Variants in DIP2A observed in about 807,000 individuals in gnomAD.
DIP2A encodes the protein DIP2 acetate--CoA ligase A, also known as disco-interacting protein 2 homolog A.
A neutral mutation model predicts 177.4 loss-of-function variants in DIP2A; 85 were observed. The observed-to-expected ratio is 0.48, with a 90% CI of 0.40 to 0.57. The LOEUF is 0.57. Among genes scored for constraint, DIP2A ranks in the 20% least tolerant of loss-of-function variants. DIP2A has a pLI of 0.00. For missense variants in DIP2A, 1,791 were observed against 2,100.2 expected, an observed-to-expected ratio of 0.85 and a Z score of 2.88; for synonymous variants, 886 against 881.8, an observed-to-expected ratio of 1.00 and a Z score of -0.08.
chr21:46,471,243 C>G (rs535144434), intron 1 of DIP2A, among the ~76,000 whole-genome samples: 5 of 152,280 alleles, frequency 3.3e-5, no homozygotes, highest in Admixed American at 1.3e-4. Flanking sequence ...GTTGCCCAGG[C>G]TAGTCTTGAA....
At chr21:46,560,565 C>G (rs2148905594) in intron 32 of DIP2A, among the ~76,000 whole-genome samples, 157 bp from the exon 33 acceptor site, 1 of 152,314 alleles carries the variant, frequency 6.6e-6, no homozygotes, top group East Asian at 1.9e-4. Flanking sequence ...GCCTGGGGGA[C>G]CTTGAACCCC....
At chr21:46,469,982 A>G (rs982065918) in intron 1 of DIP2A, among the ~76,000 whole-genome samples, 1 of 152,232 alleles carries the variant, frequency 6.6e-6, no homozygotes, top group Non-Finnish European at 1.5e-5. Flanking sequence ...TGTTTTTCAA[A>G]TCACATATTT....
At chr21:46,531,397 C>A (rs1176347052) in intron 9 of DIP2A, among the ~76,000 whole-genome samples, 1 of 152,072 alleles carries the variant, frequency 6.6e-6, no homozygotes, top group African/African-American at 2.4e-5. Context: ...ATGGAGGTAG[C>A]TGTTATCAGA....
At position 46,484,537 on chromosome 21, in the gene DIP2A, A is replaced by G. The variant is rs552521627; in HGVS notation, c.92-220A>G. ...AGTCTGGCTTCTTTCACTCAGCAGCATGCATGTGAGATCTATCCAAATTGC... is the reference window on the plus strand; with the variant it reads ...AGTCTGGCTTCTTTCACTCAGCAGCGTGCATGTGAGATCTATCCAAATTGC... On this transcript the variant is annotated intron_variant, in intron 1 of 37. Coordinates refer to ENST00000417564, the MANE Select transcript of DIP2A (RefSeq NM_015151.4). 2.2e-3 allele frequency among the ~76,000 whole-genome samples: 334 copies of G among 152,336 alleles called. 2 individuals are homozygous for G. The highest frequency in any genetic ancestry group is 7.9e-3 in the African/African-American group (328 of 41,572).
chr21:46,478,067 C>T (rs1271288074), intron 1 of DIP2A, among the ~76,000 whole-genome samples: 1 of 152,160 alleles, frequency 6.6e-6, no homozygotes, highest in African/African-American at 2.4e-5. Context: ...ATCTTAGCAC[C>T]TGCTCCATTC....
chr21:46,552,049 T>C, intron 25 of DIP2A, 145 bp downstream of exon 25: 1 of 969,604 alleles, frequency 1.0e-6, no homozygotes, highest in Non-Finnish European at 1.6e-6. Context: ...GTCCTGGTTG[T>C]TCTCATGCGT....
intron 1 of DIP2A, among the ~76,000 whole-genome samples, chr21:46,474,809 A>G (rs1018613864): frequency 3.3e-5 from 5 of 152,108 alleles, no homozygotes; most frequent in Admixed American, 6.5e-5. Context: ...AAAGGAATTC[A>G]TAGTCTAGGT....
At chr21:46,517,510 C>G (rs1193548718) in intron 8 of DIP2A, among the ~76,000 whole-genome samples, 2 of 152,212 alleles carry the variant, frequency 1.3e-5, no homozygotes, top group African/African-American at 2.4e-5. Context: ...CCAGTCATGC[C>G]TGGCCCAGCC....
chr21:46,503,887 G>A (rs755400549), intron 5 of DIP2A, among the ~76,000 whole-genome samples: 7 of 152,046 alleles, frequency 4.6e-5, no homozygotes, highest in African/African-American at 7.2e-5. Flanking sequence ...CACGACGCCC[G>A]GCTGATTTTT....
At chr21:46,559,641 G>A (rs922872232) in intron 32 of DIP2A, among the ~76,000 whole-genome samples, 10 of 152,238 alleles carry the variant, frequency 6.6e-5, no homozygotes, top group Admixed American at 2.0e-4. Context: ...CTTGCTAGAC[G>A]TCGGAAGGGT....
rs2059832890 is a variant in DIP2A, at chr21:46,541,867, T to A, written c.2148T>A (p.Val716=). Residue 716 remains valine, a synonymous_variant, in exon 18 of 38, where the codon GTT becomes GTA. Coordinates refer to ENST00000417564, the MANE Select transcript of DIP2A (RefSeq NM_015151.4). The stretch of plus-strand genomic sequence containing the variant: ...AAGAAAAGTTGTCAGTCCTTACTGT[T>A]CAGGACGTTGGTCAGGTGATGCCTG... ...DTEEKLSVLT[V]QDVGQVMPGA... The A allele has an allele frequency of 6.2e-7, 1 of 1,613,940 alleles. No individual in the cohort carries two copies. The highest frequency in any genetic ancestry group is 8.5e-7 in the Non-Finnish European group (1 of 1,179,906).
In DIP2A at chr21:46,563,831, C is replaced by G. The variant is rs778129153; in HGVS notation, c.4090-27C>G. 6.2e-7 allele frequency: 1 copy of G among 1,610,080 alleles called. No individual in the cohort carries two copies. The highest frequency in any genetic ancestry group is 1.3e-5 in the African/African-American group (1 of 74,560). ...GAGTCTCGTGTCATGTTTTCTTTAA[C>G]AAGGGACATAGCTCTCCTCCTTCCA... On this transcript the variant is annotated intron_variant, in intron 34 of 37. Coordinates refer to ENST00000417564, the MANE Select transcript of DIP2A (RefSeq NM_015151.4). This position sits in a 1 kb window ranked among gnomAD's most constrained non-coding sequence, Gnocchi z 4.3.
At chr21:46,559,165 CA>C (rs2060582289) in intron 32 of DIP2A, 1 of 150,082 alleles carries the variant, frequency 6.7e-6, no homozygotes, top group Non-Finnish European at 1.5e-5. Flanking sequence ...GAGCTCACGG[CA>C]GTTCTGTTTA....
At chr21:46,544,760 C>T (rs2059959958) in intron 18 of DIP2A, among the ~76,000 whole-genome samples, 1 of 152,094 alleles carries the variant, frequency 6.6e-6, no homozygotes, top group African/African-American at 2.4e-5. Flanking sequence ...GTGTCCCGGG[C>T]TCGTGTGTGG....
the DIP2A span, among the ~76,000 whole-genome samples, chr21:46,578,572 G>A: frequency 3.9e-5 from 6 of 152,216 alleles, no homozygotes; most frequent in South Asian, 6.2e-4. Flanking sequence ...TTGCTCATTC[G>A]GTATGAAATT....
the DIP2A span, among the ~76,000 whole-genome samples, chr21:46,581,133 T>C: frequency 0.024 from 3,592 of 152,304 alleles, 136 homozygotes; most frequent in African/African-American, 0.081. Flanking sequence ...TCAGAAGTTT[T>C]GTTCATTCCT....
At chr21:46,505,370 A>G (rs910082245) in intron 6 of DIP2A, among the ~76,000 whole-genome samples, 26 of 152,128 alleles carry the variant, frequency 1.7e-4, no homozygotes, top group Non-Finnish European at 3.2e-4. Flanking sequence ...GCACTTTGGG[A>G]GGCTGAGGCG....
chr21:46,541,098 T>G lies in DIP2A; in HGVS notation c.2037-658T>G, dbSNP rs190504854. 3.3e-5 allele frequency among the ~76,000 whole-genome samples: 5 copies of G among 152,278 alleles called. No homozygotes were observed. In the East Asian group the frequency reaches 7.7e-4, roughly 23 times the overall value. On this transcript the variant is annotated intron_variant, in intron 17 of 37. Transcript: ENST00000417564. The stretch of plus-strand genomic sequence containing the variant: ...ATTGTCGTCTACAAACTATAAATTA[T>G]TCTTCATTCTTTTGTTCTATGGTGA...
chr21:46,486,967 TAGCCAATACA>T (rs1377577926), intron 2 of DIP2A, among the ~76,000 whole-genome samples: 2 of 152,284 alleles, frequency 1.3e-5, no homozygotes, highest in African/African-American at 4.8e-5. Context: ...CAAAGGCATA[TAGCCAATACA>T]AGCTTAAAAA....
Sources: gnomAD v4.1 joint callset for allele counts (sites outside exome capture counted in the v4.1 genomes callset) on GRCh38, gnomAD v4.1.1 for gene constraint, Gnocchi (gnomAD v3.1) non-coding constraint, MANE v1.5 for transcripts, NCBI Gene and HGNC (gene_info 2026-07-23, HGNC 2026-07-21) for gene names.